The following SMG7 variants were observed in gnomAD, a reference collection of about 807,000 sequenced individuals.
SMG7 encodes nonsense-mediated mRNA decay factor SMG7.
SMG7 carries 34 observed loss-of-function variants against 148.2 expected under a neutral mutation model. That is an observed-to-expected ratio of 0.23 (90% CI 0.17 to 0.31). SMG7 has a LOEUF of 0.31. Ranked by LOEUF, SMG7 falls within the 10% of genes least tolerant of loss-of-function variation. The pLI, the probability that SMG7 is intolerant of heterozygous loss-of-function variation, is 1.00. For missense variants in SMG7, 1,114 were observed against 1,408.4 expected, an observed-to-expected ratio of 0.79 and a Z score of 3.35; for synonymous variants, 492 against 515.1, an observed-to-expected ratio of 0.96 and a Z score of 0.61.
rs371644958 is a variant in SMG7, at chr1:183,551,947, C to T, written c.*16C>T. On this transcript the variant is annotated 3_prime_UTR_variant, in exon 23 of 23. Transcript: ENST00000688051. ...TCCACACTGAGGCCAAAGTGGCAAC[C>T]TGGGAATGAAGGCTCCATAAACCAT... 560 of 1,612,328 alleles carry T rather than the reference C, an allele frequency of 3.5e-4. 1 individual carries two copies. The highest frequency in any genetic ancestry group is 8.3e-4 in the South Asian group (75 of 90,880).
At chr1:183,474,462 G>C (rs1651608819) in intron 1 of SMG7, among the ~76,000 whole-genome samples, 1 of 152,218 alleles carries the variant, frequency 6.6e-6, no homozygotes, top group Non-Finnish European at 1.5e-5. Context: ...TACTCGGGAG[G>C]CTGAGGCAGG....
In SMG7 at chr1:183,472,712, C is replaced by G; in HGVS notation, c.29+63C>G. 6 of 1,374,222 alleles carry G rather than the reference C, an allele frequency of 4.4e-6. No homozygotes were observed. In the South Asian group the frequency reaches 6.2e-5, roughly 14 times the overall value. 85.1% of individuals were successfully genotyped at this position (1,374,222 alleles called of 1,614,324 possible). A position where few individuals can be genotyped will look rare whatever the true frequency, so the allele number is the denominator to read the frequency against. On this transcript the variant is annotated intron_variant, in intron 1 of 22. Coordinates refer to ENST00000688051, the MANE Select transcript of SMG7 (RefSeq NM_001375584.1). ...GGCCGCAGGTTGGGGCATGGAGCAA[C>G]AGACACCGAGGTAAGTCCGGGGTGG...
At chr1:183,542,536 G>T in intron 14 of SMG7, 34 bp downstream of exon 14, 1 of 1,559,056 alleles carries the variant, frequency 6.4e-7, no homozygotes, top group Admixed American at 1.9e-5. Context: ...GCAGGTAGAG[G>T]AAGGCTCACA....
chr1:183,477,230 C>G (rs1007058785), intron 1 of SMG7, among the ~76,000 whole-genome samples: 1 of 152,166 alleles, frequency 6.6e-6, no homozygotes, highest in Non-Finnish European at 1.5e-5. Flanking sequence ...GTGGGAGCCA[C>G]TGTTCATACT....
intron 4 of SMG7, among the ~76,000 whole-genome samples, chr1:183,521,310 G>A (rs1261467194): frequency 6.6e-6 from 1 of 152,134 alleles, no homozygotes; most frequent in East Asian, 1.9e-4. Flanking sequence ...TGTTGGCCAG[G>A]CTGGTCTCAA....
intron 4 of SMG7, among the ~76,000 whole-genome samples, chr1:183,518,381 AG>A (rs1664052368): frequency 6.6e-6 from 1 of 152,242 alleles, no homozygotes; most frequent in Non-Finnish European, 1.5e-5. Flanking sequence ...ACAAAGCCTT[AG>A]TGAAACAGTG....
chr1:183,547,344 C>T (rs1284276932), intron 18 of SMG7, 92 bp downstream of exon 18: 4 of 1,199,294 alleles, frequency 3.3e-6, no homozygotes, highest in East Asian at 2.6e-5. Flanking sequence ...TTCTTCTCTT[C>T]CTGGGGCTGT....
At chr1:183,504,455 T>G (rs1571878720) in intron 1 of SMG7, among the ~76,000 whole-genome samples, 1 of 151,874 alleles carries the variant, frequency 6.6e-6, no homozygotes, top group South Asian at 2.1e-4. Context: ...ATTCTCCTGC[T>G]TCAGCCTCCC....
Position 183,527,887 on chromosome 1 carries a change from A to G in SMG7, c.485-69A>G. 1 of 978,826 alleles carries G rather than the reference A, an allele frequency of 1.0e-6. No individual in the cohort carries two copies. The highest frequency in any genetic ancestry group is 1.6e-6 in the Non-Finnish European group (1 of 620,440). The allele number at this position is 978,826 out of a possible 1,614,324, so 60.6% of individuals were successfully genotyped here. A position where few individuals can be genotyped will look rare whatever the true frequency, so the allele number is the denominator to read the frequency against. On this transcript the variant is annotated intron_variant, in intron 5 of 22. Transcript: ENST00000688051. This position sits in a 1 kb window ranked among gnomAD's most constrained non-coding sequence, Gnocchi z 4.0. The stretch of plus-strand genomic sequence containing the variant: ...TATTATCTTTAGAACTTAAAACTAT[A>G]GCTGTTTTGGAAATACTACCCTACT...
At chr1:183,542,926 TATG>T (rs1419955666) in intron 14 of SMG7, among the ~76,000 whole-genome samples, 1 of 42,540 alleles carries the variant, frequency 2.4e-5, no homozygotes, top group Non-Finnish European at 4.8e-5. Context: ...AATATATATA[TATG>T]TGTGTGTGTG....
intron 4 of SMG7, among the ~76,000 whole-genome samples, chr1:183,524,517 C>A (rs564519923): frequency 6.6e-6 from 1 of 152,028 alleles, no homozygotes; most frequent in African/African-American, 2.4e-5. Flanking sequence ...AGAAAGGGTG[C>A]GCAGAATTTA....
chr1:183,477,646 ACG>A (rs1652843041), intron 1 of SMG7, among the ~76,000 whole-genome samples: 1 of 129,114 alleles, frequency 7.7e-6, no homozygotes, highest in Admixed American at 7.8e-5. Context: ...ATGCATATAT[ACG>A]TGTGTGCATA....
chr1:183,551,369 T>C (rs1197826265), intron 22 of SMG7, among the ~76,000 whole-genome samples, 179 bp downstream of exon 22: 1 of 152,222 alleles, frequency 6.6e-6, no homozygotes, highest in Non-Finnish European at 1.5e-5. Context: ...AATTTTTAAT[T>C]TCTGAATTCA....
rs770022073 is a variant in SMG7, at chr1:183,526,658, A to T, written c.375A>T (p.Gln125His). 3 of 1,613,614 alleles carry T rather than the reference A, an allele frequency of 1.9e-6. No individual in the cohort carries two copies. Among genetic ancestry groups the T allele is most frequent in the Non-Finnish European group, 2.5e-6 (3 of 1,179,628 alleles). The change falls in exon 5 of 23, where the codon CAA becomes CAT. Residue 125 changes from glutamine (Q) to histidine (H), a missense_variant. Coordinates refer to ENST00000688051, the MANE Select transcript of SMG7 (RefSeq NM_001375584.1). ...VDLPCRVKSS[Q>H]LGIISNKQTH... ...TACCATGCCGTGTGAAGTCTTCCCA[A>T]TTGGGAATTATCAGCAATAAACAGA...
At chr1:183,504,668 T>C (rs1660499938) in intron 1 of SMG7, among the ~76,000 whole-genome samples, 2 of 152,202 alleles carry the variant, frequency 1.3e-5, no homozygotes, top group African/African-American at 4.8e-5. Context: ...TTTTCAATTT[T>C]GTCTAGTCCA....
chr1:183,553,024 A>G lies in SMG7; in HGVS notation c.*1093A>G. On this transcript the variant is annotated 3_prime_UTR_variant, in exon 23 of 23. Transcript: ENST00000688051. ...AGTTGGGGCCCAAAAGACAGTCTGAAGAGGAAGGAAGCAGCAGTATCTGCG... is the reference window on the plus strand; with the variant it reads ...AGTTGGGGCCCAAAAGACAGTCTGAGGAGGAAGGAAGCAGCAGTATCTGCG... The G allele has an allele frequency of 6.5e-7, 1 of 1,536,292 alleles. No individual in the cohort carries two copies. The highest frequency in any genetic ancestry group is 8.7e-7 in the Non-Finnish European group (1 of 1,146,936).
intron 1 of SMG7, among the ~76,000 whole-genome samples, chr1:183,478,271 C>T (rs1653169007): frequency 6.6e-6 from 1 of 152,108 alleles, no homozygotes; most frequent in Admixed American, 6.5e-5. Flanking sequence ...CCTGCCCCAT[C>T]CCCTTCCTTT....
intron 4 of SMG7, among the ~76,000 whole-genome samples, chr1:183,521,750 A>G (rs958977672): frequency 4.6e-5 from 7 of 151,736 alleles, no homozygotes; most frequent in Admixed American, 4.6e-4. Flanking sequence ...CTGTAGTACC[A>G]GCTACTCTAG....
At chr1:183,492,772 TTAGATGCTTAGG>T (rs1337818844) in intron 1 of SMG7, among the ~76,000 whole-genome samples, 2 of 152,184 alleles carry the variant, frequency 1.3e-5, no homozygotes, top group Non-Finnish European at 2.9e-5. Context: ...TTATAGCTTC[TTAGATGCTTAGG>T]TAGATGCTTA....
Sources: allele counts gnomAD v4.1 joint callset (sites outside exome capture counted in the v4.1 genomes callset), GRCh38; gene constraint gnomAD v4.1.1; non-coding constraint Gnocchi (gnomAD v3.1); transcripts MANE v1.5; gene names NCBI Gene and HGNC (gene_info 2026-07-23, HGNC 2026-07-21).